KEAP1: variants seen among roughly 807,000 people sequenced by gnomAD.
KEAP1 encodes the protein kelch like ECH associated protein 1, also known as kelch-like ECH-associated protein 1.
KEAP1 carries 26 observed loss-of-function variants against 59.7 expected under a neutral mutation model. That is an observed-to-expected ratio of 0.44 (90% CI 0.32 to 0.60). The LOEUF (loss-of-function observed/expected upper bound fraction) is 0.60. KEAP1 is among the 20% of genes least tolerant of loss of function. The pLI, the probability that KEAP1 is intolerant of heterozygous loss-of-function variation, is 0.06. For synonymous variants in KEAP1, 350 were observed against 358.3 expected (o/e 0.98, Z 0.26); for missense variants, 539 against 871.4 (o/e 0.62, Z 4.80).
intron 1 of KEAP1, among the ~76,000 whole-genome samples, chr19:10,500,960 G>GT (rs1249952179): frequency 6.6e-6 from 1 of 152,258 alleles, no homozygotes; most frequent in Middle Eastern, 3.4e-3. Flanking sequence ...GATTACAGGC[G>GT]TAAGCCACCA....
rs1914478034 is a variant in KEAP1 at position 10,486,833 on chromosome 19, G to A, written c.1709-15C>T. The A allele has an allele frequency of 6.2e-7, 1 of 1,607,418 alleles. No individual in the cohort carries two copies. The highest frequency in any genetic ancestry group is 8.5e-7 in the Non-Finnish European group (1 of 1,175,532). ...ATCATAGCCTCCTGCGGGAAGAACA[G>A]AAGGGATGGTCACCACCTGTCACAC... On this transcript the variant is annotated splice_polypyrimidine_tract_variant and intron_variant, in intron 5 of 5. Coordinates refer to ENST00000171111, the MANE Select transcript of KEAP1 (RefSeq NM_203500.2).
chr19:10,501,850 G>A (rs145559077), intron 1 of KEAP1, among the ~76,000 whole-genome samples: 188 of 152,178 alleles, frequency 1.2e-3, no homozygotes, highest in African/African-American at 4.5e-3. Flanking sequence ...CCAGACGTGA[G>A]TTACGTTTCA....
intron 2 of KEAP1, among the ~76,000 whole-genome samples, chr19:10,498,473 C>T (rs1914931781): frequency 6.6e-6 from 1 of 152,086 alleles, no homozygotes; most frequent in Non-Finnish European, 1.5e-5. Context: ...TCCCAAAGTG[C>T]TGGGATTACA....
rs546377146 is a variant in KEAP1, at chr19:10,491,914, T to A, written c.988A>T (p.Thr330Ser). Reference sequence around the variant, plus strand: ...GACTGTCGGAAGTAGCCGCCCGCGGTGTAGATCAGGCGGCCCACCTTGGGC... The same window carrying A: ...GACTGTCGGAAGTAGCCGCCCGCGGAGTAGATCAGGCGGCCCACCTTGGGC... Reference protein sequence around the residue: ...RAPKVGRLIYTAGGYFRQSLS... With the variant: ...RAPKVGRLIYSAGGYFRQSLS... The change falls in exon 3 of 6, where the codon ACC becomes TCC. Residue 330 changes from threonine (T) to serine (S), a missense_variant. Transcript: ENST00000171111. This position sits in a 1 kb window ranked among gnomAD's most constrained non-coding sequence, Gnocchi z 5.2. The A allele has an allele frequency of 1.1e-5, 17 of 1,613,600 alleles. 2 individuals are homozygous for A. In the South Asian group the frequency reaches 1.6e-4, roughly 16 times the overall value.
chr19:10,489,094 T>TAAAAA (rs33966407), intron 5 of KEAP1, 98 bp downstream of exon 5: 27 of 425,364 alleles, frequency 6.3e-5, no homozygotes, highest in South Asian at 9.1e-5. Context: ...ACCTTGTTTC[T>TAAAAA]AAAAAAAAAA....
At chr19:10,494,545 C>A (rs1016649774) in intron 2 of KEAP1, among the ~76,000 whole-genome samples, 1 of 150,490 alleles carries the variant, frequency 6.6e-6, no homozygotes, top group African/African-American at 2.4e-5. Flanking sequence ...CCGTGTTAAC[C>A]AGGCTGGTCT....
intron 2 of KEAP1, among the ~76,000 whole-genome samples, chr19:10,498,052 C>T (rs1599489378): frequency 1.3e-5 from 2 of 151,706 alleles, no homozygotes; most frequent in South Asian, 4.2e-4. Context: ...AAGCATGAGC[C>T]ACCATGCCAG....
At chr19:10,498,092 G>C (rs1481279859) in intron 2 of KEAP1, among the ~76,000 whole-genome samples, 3 of 151,562 alleles carry the variant, frequency 2.0e-5, no homozygotes, top group South Asian at 4.2e-4. Flanking sequence ...TAGAGACGTG[G>C]TTTCTCCATG....
chr19:10,495,901 G>A (rs988605110), intron 2 of KEAP1, among the ~76,000 whole-genome samples: 7 of 152,222 alleles, frequency 4.6e-5, no homozygotes, highest in African/African-American at 7.2e-5. Context: ...AATATTTCTT[G>A]TAGCCAGGTG....
At chr19:10,500,421 C>G (rs1368777491) in intron 1 of KEAP1, among the ~76,000 whole-genome samples, 1 of 152,114 alleles carries the variant, frequency 6.6e-6, no homozygotes, top group African/African-American at 2.4e-5. Flanking sequence ...AGCAATCTGG[C>G]GGCCTTTCCC....
intron 2 of KEAP1, among the ~76,000 whole-genome samples, chr19:10,493,804 G>A (rs1450847296): frequency 6.7e-6 from 1 of 149,518 alleles, no homozygotes; most frequent in Non-Finnish European, 1.5e-5. Context: ...CTCGTGATCC[G>A]CCCGCCTCGG....
At chr19:10,492,451 G>A in intron 2 of KEAP1, 189 bp from the exon 3 acceptor site, 1 of 584,864 alleles carries the variant, frequency 1.7e-6, no homozygotes, top group Non-Finnish European at 3.0e-6. Context: ...GGGCGCGGTG[G>A]CTCACGCCTG....
intron 5 of KEAP1, among the ~76,000 whole-genome samples, 179 bp downstream of exon 5, chr19:10,489,013 G>C (rs1279201272): frequency 6.7e-6 from 1 of 150,104 alleles, no homozygotes; most frequent in Non-Finnish European, 1.5e-5. Flanking sequence ...GAGGATGGCT[G>C]GAGCCCAGGC....
At chr19:10,488,714 C>T (rs1280737336) in intron 5 of KEAP1, among the ~76,000 whole-genome samples, 1 of 152,104 alleles carries the variant, frequency 6.6e-6, no homozygotes, top group Non-Finnish European at 1.5e-5. Flanking sequence ...AGGTGGATCA[C>T]GAGGTCAGGA....
At chr19:10,489,093 C>CT (rs1914576584) in intron 5 of KEAP1, 99 bp downstream of exon 5, 7 of 652,610 alleles carry the variant, frequency 1.1e-5, no homozygotes, top group Admixed American at 5.2e-5. Flanking sequence ...GACCTTGTTT[C>CT]TAAAAAAAAA....
At position 10,489,790 on chromosome 19, in the gene KEAP1, C is replaced by A. The variant is rs753512861; in HGVS notation, c.1389G>T (p.Val463=). ...GGAGACGATTGAGGACAGCCACGCC[C>A]ACCCCGATCCTTCGTGTCAGCATTG... is the stretch of plus-strand genomic sequence containing the variant. The part of the protein sequence containing the change: ...VAPMLTRRIG[V]GVAVLNRLLY... Residue 463 remains valine, a synonymous_variant, in exon 4 of 6, where the codon GTG becomes GTT. Transcript: ENST00000171111. 1 of 1,614,098 alleles carries A rather than the reference C, an allele frequency of 6.2e-7. No individual in the cohort carries two copies. The highest frequency in any genetic ancestry group is 8.5e-7 in the Non-Finnish European group (1 of 1,180,040).
Position 10,491,633 on chromosome 19 carries a change from G to T in KEAP1, c.1269C>A (p.Gly423=), listed in dbSNP as rs779232573. 4 of 1,593,968 alleles carry T rather than the reference G, an allele frequency of 2.5e-6. No individual in the cohort carries two copies. In the South Asian group the frequency reaches 4.6e-5, roughly 18 times the overall value. Residue 423 remains glycine, a synonymous_variant, in exon 3 of 6, where the codon GGC becomes GGA. Coordinates refer to ENST00000171111, the MANE Select transcript of KEAP1 (RefSeq NM_203500.2). The surrounding 1 kb of genome is among the most constrained non-coding windows in gnomAD (Gnocchi z 5.2). ...GGGAGCCGCCGACGGCATAGATGTG[G>T]CCATCGATGACCCCCACCCCGATGC... is the stretch of plus-strand genomic sequence containing the variant. ...RNRIGVGVID[G]HIYAVGGSHG... is the part of the protein sequence containing the mutation.
chr19:10,495,229 C>T (rs1443550741), intron 2 of KEAP1, among the ~76,000 whole-genome samples: 2 of 151,820 alleles, frequency 1.3e-5, no homozygotes, highest in Non-Finnish European at 2.9e-5. Flanking sequence ...CCACTGTAAC[C>T]TCAAATTCCT....
intron 3 of KEAP1, 60 bp from the exon 4 acceptor site, chr19:10,489,913 T>G: frequency 6.7e-7 from 1 of 1,481,602 alleles, no homozygotes; most frequent in Non-Finnish European, 9.3e-7. Flanking sequence ...CGTGGAATAC[T>G]TAAGGGCCAG....
Sources: allele counts gnomAD v4.1 joint callset (sites outside exome capture counted in the v4.1 genomes callset), GRCh38; gene constraint gnomAD v4.1.1; non-coding constraint Gnocchi (gnomAD v3.1); transcripts MANE v1.5; gene names NCBI Gene and HGNC (gene_info 2026-07-23, HGNC 2026-07-21).